The following HADH variants were observed in gnomAD, a reference collection of about 807,000 sequenced individuals.
HADH encodes the protein hydroxyacyl-coenzyme A dehydrogenase, mitochondrial.
In HADH, 24 loss-of-function variants were observed where a neutral mutation model predicts 32.2. The ratio of observed to expected loss-of-function variants is 0.75; its 90% CI spans 0.54 to 1.05. HADH has a LOEUF of 1.05. HADH is among the 50% of genes least tolerant of loss of function. The pLI is 0.00. For synonymous variants in HADH, 139 were observed against 152.5 expected (o/e 0.91, Z 0.65); for missense variants, 350 against 397.1 (o/e 0.88, Z 1.01).
In HADH at chr4:108,004,551, A is replaced by G. The variant is rs963678300; in HGVS notation, c.133-5208A>G. The stretch of plus-strand genomic sequence containing the variant: ...ACTTCTTGTTCTGTTTGTAGCCTCA[A>G]ATCAACATGTAACCAAAAGCTGTGA... On this transcript the variant is annotated intron_variant, in intron 1 of 7. Transcript: ENST00000309522. The G allele has an allele frequency of 1.0e-5, 10 of 989,520 alleles. No homozygotes were observed. In the East Asian group the frequency reaches 3.1e-4, roughly 30 times the overall value. 61.3% of individuals were successfully genotyped at this position (989,520 alleles called of 1,614,324 possible).
At chr4:108,021,148 C>T (rs747232465) in intron 4 of HADH, among the ~76,000 whole-genome samples, 1 of 152,160 alleles carries the variant, frequency 6.6e-6, no homozygotes, top group Non-Finnish European at 1.5e-5. Flanking sequence ...TTATCTCATG[C>T]AGATTAAGAG....
chr4:108,033,086 A>G, intron 6 of HADH, 90 bp from the exon 7 acceptor site: 5 of 794,596 alleles, frequency 6.3e-6, no homozygotes, highest in South Asian at 4.0e-5. Context: ...GTGCAAGCAT[A>G]TAAAATTCTA....
At chr4:107,991,190 C>G (rs1734791172) in intron 1 of HADH, among the ~76,000 whole-genome samples, 1 of 151,888 alleles carries the variant, frequency 6.6e-6, no homozygotes, top group Non-Finnish European at 1.5e-5. Context: ...TTTCAGCTCA[C>G]ATTGGAGAAC....
intron 1 of HADH, among the ~76,000 whole-genome samples, chr4:107,995,780 C>T (rs1452495721): frequency 1.3e-5 from 2 of 152,124 alleles, no homozygotes; most frequent in Non-Finnish European, 2.9e-5. Context: ...TCTGCCTGCA[C>T]CTCTGGCAAG....
intron 1 of HADH, among the ~76,000 whole-genome samples, chr4:108,009,341 A>G (rs991113801): frequency 6.6e-6 from 1 of 152,218 alleles, no homozygotes; most frequent in African/African-American, 2.4e-5. Flanking sequence ...GGAACTGAAT[A>G]TTTAATTTTA....
At chr4:108,003,980 A>T (rs1735205902) in intron 1 of HADH, among the ~76,000 whole-genome samples, 1 of 152,140 alleles carries the variant, frequency 6.6e-6, no homozygotes. Flanking sequence ...TTCCATCCCC[A>T]ACTTGGCACA....
rs200670213 is a variant in HADH, at chr4:108,001,456, CA to C, written c.133-8298del. ...AGACAGATAAGAAACTGAAGAGTTTCAAAAATGAAACTTTTATTGGCAATGT... is the reference window on the plus strand; with the variant it reads ...AGACAGATAAGAAACTGAAGAGTTTCAAAATGAAACTTTTATTGGCAATGT... On this transcript the variant is annotated intron_variant, in intron 1 of 7. Transcript: ENST00000309522. 2.3e-3 allele frequency among the ~76,000 whole-genome samples: 344 copies of C among 152,252 alleles called. 7 individuals carry two copies. The highest frequency in any genetic ancestry group is 0.021 in the Admixed American group (321 of 15,300).
chr4:107,997,889 G>A (rs1735002933), intron 1 of HADH, among the ~76,000 whole-genome samples: 1 of 152,120 alleles, frequency 6.6e-6, no homozygotes, highest in Non-Finnish European at 1.5e-5. Flanking sequence ...CAGAAAGTTG[G>A]CGGTAACTTG....
At chr4:108,011,688 G>C (rs752529937) in intron 2 of HADH, among the ~76,000 whole-genome samples, 2 of 152,144 alleles carry the variant, frequency 1.3e-5, no homozygotes, top group African/African-American at 2.4e-5. Flanking sequence ...GGGTTGTATG[G>C]TAATCCTATA....
chr4:108,019,650 T>C lies in HADH; in HGVS notation c.530T>C (p.Val177Ala), dbSNP rs1265198080. 1 of 1,614,150 alleles carries C rather than the reference T, an allele frequency of 6.2e-7. No individual in the cohort carries two copies. Among genetic ancestry groups the C allele is most frequent in the South Asian group, 1.1e-5 (1 of 91,088 alleles). The change falls in exon 4 of 8, where the codon GTC becomes GCC. Residue 177 changes from valine (V) to alanine (A), a missense_variant. Val to Ala is a moderately conservative substitution (Grantham distance 64). Coordinates refer to ENST00000309522, the MANE Select transcript of HADH (RefSeq NM_005327.7). ...CTCCATTTCTTCAACCCAGTGCCTG[T>C]CATGAAACTTGTGGAGGTCAGTGGG... is the stretch of plus-strand genomic sequence containing the variant. ...AGLHFFNPVP[V>A]MKLVEVIKTP...
At chr4:108,022,833 G>A (rs1735937972) in intron 4 of HADH, among the ~76,000 whole-genome samples, 2 of 152,094 alleles carry the variant, frequency 1.3e-5, no homozygotes, top group Non-Finnish European at 2.9e-5. Flanking sequence ...TGTCATTTCA[G>A]TTTCAAGAAA....
chr4:108,028,286 T>G (rs1736133902), intron 6 of HADH: 1 of 164,126 alleles, frequency 6.1e-6, no homozygotes, highest in African/African-American at 2.4e-5. Flanking sequence ...TTTTCCTCAG[T>G]ACTTGATTGA....
intron 6 of HADH, 177 bp from the exon 7 acceptor site, chr4:108,032,999 A>G: frequency 1.5e-6 from 1 of 656,590 alleles, no homozygotes; most frequent in Non-Finnish European, 2.8e-6. Context: ...ACAAAGTCTT[A>G]TGACCTCTTT....
intron 5 of HADH, chr4:108,027,265 T>C: frequency 3.0e-6 from 1 of 332,616 alleles, no homozygotes; most frequent in South Asian, 2.6e-5. Flanking sequence ...GGGCTGTGTG[T>C]ACAGCATTTT....
chr4:107,991,017 A>T (rs758695148), intron 1 of HADH, among the ~76,000 whole-genome samples: 3 of 152,174 alleles, frequency 2.0e-5, no homozygotes, highest in Non-Finnish European at 4.4e-5. Context: ...CTGGGATTAC[A>T]GGCGTTAGCC....
chr4:108,022,278 A>G (rs887684152), intron 4 of HADH, among the ~76,000 whole-genome samples: 3 of 151,320 alleles, frequency 2.0e-5, no homozygotes, highest in South Asian at 2.1e-4. Flanking sequence ...AAAAATATAT[A>G]TATATATACT....
intron 1 of HADH, among the ~76,000 whole-genome samples, chr4:107,997,785 C>T (rs191144174): frequency 1.0e-3 from 158 of 152,204 alleles, no homozygotes; most frequent in Non-Finnish European, 2.8e-4. Flanking sequence ...GAAGAGTCCT[C>T]CTCATTTGTT....
intron 5 of HADH, chr4:108,024,401 A>G (rs1735991765): frequency 6.6e-6 from 1 of 152,284 alleles, no homozygotes; most frequent in Admixed American, 6.5e-5. Flanking sequence ...TATAGTTCTC[A>G]TAGCAAACTT....
chr4:108,031,681 C>A (rs1446547048), intron 6 of HADH: 1 of 152,114 alleles, frequency 6.6e-6, no homozygotes, highest in African/African-American at 2.4e-5. Context: ...CATCTTTACT[C>A]ACACAGAGCT....
Sources: gnomAD v4.1 joint callset for allele counts (sites outside exome capture counted in the v4.1 genomes callset) on GRCh38, gnomAD v4.1.1 for gene constraint, MANE v1.5 for transcripts, NCBI Gene and HGNC (gene_info 2026-07-23, HGNC 2026-07-21) for gene names.